The following VDAC1 variants were observed in gnomAD, a reference collection of about 807,000 sequenced individuals.
VDAC1 encodes the protein voltage dependent anion channel 1.
In VDAC1, 10 loss-of-function variants were observed where a neutral mutation model predicts 34.7. The ratio of observed to expected loss-of-function variants is 0.29; its 90% CI spans 0.18 to 0.49. The LOEUF (loss-of-function observed/expected upper bound fraction) is 0.49, where lower values mean the gene tolerates loss of function less well. Ranked by LOEUF, VDAC1 falls within the 20% of genes least tolerant of loss-of-function variation. The pLI, the probability that VDAC1 is intolerant of heterozygous loss-of-function variation, is 0.99. For synonymous variants in VDAC1, 130 were observed against 136.0 expected (o/e 0.96, Z 0.30); for missense variants, 230 against 347.9 (o/e 0.66, Z 2.69).
intron 5 of VDAC1, chr5:133,988,945 C>T (rs1249144795): frequency 6.6e-6 from 1 of 152,364 alleles, no homozygotes; most frequent in East Asian, 1.9e-4. Flanking sequence ...TGGGCACATC[C>T]TCCAGCCTCT....
upstream of VDAC1, among the ~76,000 whole-genome samples, chr5:134,007,249 A>G (rs1047022438): frequency 1.2e-5 from 1 of 82,066 alleles, no homozygotes; most frequent in African/African-American, 4.0e-5. Flanking sequence ...TGCCAAAAAA[A>G]AAAAAAAAGA....
the VDAC1 span, among the ~76,000 whole-genome samples, chr5:134,041,750 A>C: frequency 6.6e-6 from 1 of 152,104 alleles, no homozygotes; most frequent in Non-Finnish European, 1.5e-5. Context: ...GCATGGCCCC[A>C]TGAGGAGCCC....
chr5:134,099,719 A>T, the VDAC1 span, among the ~76,000 whole-genome samples: 4 of 152,228 alleles, frequency 2.6e-5, no homozygotes, highest in Admixed American at 2.6e-4. Context: ...TAGCTGGACT[A>T]CAGGCGCATG....
the VDAC1 span, among the ~76,000 whole-genome samples, chr5:134,062,119 T>C: frequency 1.3e-5 from 2 of 151,598 alleles, no homozygotes; most frequent in South Asian, 4.2e-4. Context: ...CCTGAGTAGC[T>C]GGGACTACAG....
At chr5:133,977,185 A>C (rs947789037) in intron 6 of VDAC1, among the ~76,000 whole-genome samples, 5 of 152,258 alleles carry the variant, frequency 3.3e-5, no homozygotes, top group African/African-American at 1.2e-4. Flanking sequence ...TGCTGCAGCC[A>C]CTGCTGGGGA....
the VDAC1 span, among the ~76,000 whole-genome samples, chr5:134,034,400 TG>T: frequency 6.6e-6 from 1 of 152,012 alleles, no homozygotes; most frequent in African/African-American, 2.4e-5. Context: ...GAAACGAGGG[TG>T]GGCCCCTAGC....
chr5:134,035,708 A>G, the VDAC1 span, among the ~76,000 whole-genome samples: 1 of 152,230 alleles, frequency 6.6e-6, no homozygotes. Flanking sequence ...ATGCAAATAG[A>G]AAATCATCAT....
At chr5:134,057,698 A>G in the VDAC1 span, among the ~76,000 whole-genome samples, 1 of 151,860 alleles carries the variant, frequency 6.6e-6, no homozygotes, top group Non-Finnish European at 1.5e-5. Context: ...TGAAAAAAAA[A>G]AAAAAGGATA....
chr5:134,081,477 C>T, the VDAC1 span, among the ~76,000 whole-genome samples: 1 of 152,186 alleles, frequency 6.6e-6, no homozygotes, highest in Non-Finnish European at 1.5e-5. Flanking sequence ...CTGTGTCCAG[C>T]CAAAACAACA....
chr5:133,999,003 G>A (rs367869297), intron 1 of VDAC1, among the ~76,000 whole-genome samples: 1 of 152,148 alleles, frequency 6.6e-6, no homozygotes, highest in Non-Finnish European at 1.5e-5. Flanking sequence ...TCTCTGCAGA[G>A]GCTCCCTCAA....
At chr5:134,031,950 CAA>C in the VDAC1 span, among the ~76,000 whole-genome samples, 13 of 68,756 alleles carry the variant, frequency 1.9e-4, no homozygotes, top group East Asian at 3.7e-4. Context: ...GACCCCATCT[CAA>C]AAAAAAAAAA....
chr5:134,000,535 C>T (rs773316952), intron 1 of VDAC1, among the ~76,000 whole-genome samples: 5 of 152,156 alleles, frequency 3.3e-5, no homozygotes, highest in Non-Finnish European at 7.3e-5. Context: ...TTCCCTGGAG[C>T]CTCACTGCTT....
chr5:134,049,873 G>A, the VDAC1 span, among the ~76,000 whole-genome samples: 6 of 152,150 alleles, frequency 3.9e-5, no homozygotes, highest in East Asian at 5.8e-4. Flanking sequence ...GAGCCACCCT[G>A]TTCCTGGCCT....
chr5:134,107,062 C>A, the VDAC1 span, among the ~76,000 whole-genome samples: 1 of 152,238 alleles, frequency 6.6e-6, no homozygotes, highest in African/African-American at 2.4e-5. Context: ...CAGACTCTTA[C>A]AGAGACCACC....
At chr5:134,105,095 G>T in the VDAC1 span, among the ~76,000 whole-genome samples, 1 of 152,172 alleles carries the variant, frequency 6.6e-6, no homozygotes, top group African/African-American at 2.4e-5. Flanking sequence ...CCCAGCAGAG[G>T]CTGGGAAAGA....
upstream of VDAC1, among the ~76,000 whole-genome samples, chr5:134,006,215 G>T (rs1753746512): frequency 6.6e-6 from 1 of 152,136 alleles, no homozygotes; most frequent in South Asian, 2.1e-4. Context: ...GACCCTCCCA[G>T]GCGCACGAGT....
chr5:134,102,338 C>CA, the VDAC1 span, among the ~76,000 whole-genome samples: 1 of 151,408 alleles, frequency 6.6e-6, no homozygotes, highest in African/African-American at 2.4e-5. Flanking sequence ...CCCTCTACCC[C>CA]CCCCACCCCA....
Position 133,973,056 on chromosome 5 carries a change from T to C in VDAC1, c.761-194A>G, listed in dbSNP as rs1459078641. On this transcript the variant is annotated intron_variant, in intron 8 of 8. Transcript: ENST00000265333. The stretch of plus-strand genomic sequence containing the variant: ...CAGTGGGCTTATAAAACAACTATAA[T>C]TATCCCACCGCCCAGAGAGCCTACC... Among the ~76,000 whole-genome samples the C allele has an allele frequency of 3.3e-5, 5 of 152,218 alleles. No individual in the cohort carries two copies. The East Asian group carries it at 5.8e-4, about 18-fold the overall frequency.
chr5:134,082,716 T>A, the VDAC1 span, among the ~76,000 whole-genome samples: 2 of 152,340 alleles, frequency 1.3e-5, no homozygotes, highest in African/African-American at 4.8e-5. Context: ...ACACCTGGTA[T>A]GGTCAGTTCG....
Sources: gnomAD v4.1 joint callset for allele counts (sites outside exome capture counted in the v4.1 genomes callset) on GRCh38, gnomAD v4.1.1 for gene constraint, MANE v1.5 for transcripts, NCBI Gene and HGNC (gene_info 2026-07-23, HGNC 2026-07-21) for gene names.